Variants in SRPX observed in about 807,000 individuals in gnomAD.
The protein encoded by SRPX is sushi repeat-containing protein SRPX.
Under a neutral mutation model 38.1 loss-of-function variants are expected in SRPX, and 24 were observed. The observed-to-expected ratio is 0.63, with a 90% CI of 0.46 to 0.89. The LOEUF is 0.89. SRPX is among the 40% of genes least tolerant of loss of function. The pLI is 0.00. For synonymous variants in SRPX, 184 were observed against 153.8 expected (o/e 1.20, Z -1.45); for missense variants, 416 against 377.8 (o/e 1.10, Z -0.84).
chrX:38,153,225 C>T (rs957107820), intron 9 of SRPX, among the ~76,000 whole-genome samples: 3 of 109,737 alleles, frequency 2.7e-5, no homozygotes, highest in East Asian at 2.8e-4. Flanking sequence ...ATTCATCAGC[C>T]GACTAAAGAG....
chrX:38,170,459 C>T (rs748131018), intron 4 of SRPX, among the ~76,000 whole-genome samples: 5 of 112,101 alleles, frequency 4.5e-5, no homozygotes, highest in African/African-American at 1.3e-4. Context: ...TTGTCTGTCG[C>T]GAAAATCAAA....
chrX:38,166,670 T>C lies in SRPX; in HGVS notation c.527-1775A>G, dbSNP rs753644082. On this transcript the variant is annotated intron_variant, in intron 4 of 9. Transcript: ENST00000378533. ...CACAGAAAGACAAGTATATAATGACTGCCCCCTGCTGGTCAAATATAGCTG... is the reference window on the plus strand; with the variant it reads ...CACAGAAAGACAAGTATATAATGACCGCCCCCTGCTGGTCAAATATAGCTG... Among the ~76,000 whole-genome samples, 7 of 112,047 alleles carry C rather than the reference T, an allele frequency of 6.2e-5. No individual in the cohort carries two copies. The South Asian group carries it at 2.6e-3, about 42-fold the overall frequency.
chrX:38,188,918 T>C lies in SRPX; in HGVS notation c.98-10574A>G, dbSNP rs571336054. Among the ~76,000 whole-genome samples the C allele has an allele frequency of 2.7e-5, 3 of 112,124 alleles. No homozygotes were observed. In the South Asian group the frequency reaches 1.1e-3, roughly 42 times the overall value. On this transcript the variant is annotated intron_variant, in intron 1 of 9. Coordinates refer to ENST00000378533, the MANE Select transcript of SRPX (RefSeq NM_006307.5). ...TAAATACTTTGAAAACCTACATTTG[T>C]TAAGTTAATTCGGTTTCCTCCCTCA...
chrX:38,161,321 AGAGGGGG>A (rs1378596367), intron 5 of SRPX, among the ~76,000 whole-genome samples: 2 of 110,602 alleles, frequency 1.8e-5, no homozygotes, highest in Non-Finnish European at 3.8e-5. Context: ...GGAAGTGGGT[AGAGGGGG>A]GAGGGAGGAT....
intron 1 of SRPX, among the ~76,000 whole-genome samples, chrX:38,208,386 A>T (rs1230619000): frequency 8.9e-6 from 1 of 112,047 alleles, no homozygotes; most frequent in Non-Finnish European, 1.9e-5. Flanking sequence ...AGTTTTGCAC[A>T]TTGTTGTTGA....
At chrX:38,174,830 G>T (rs1004511909) in intron 2 of SRPX, among the ~76,000 whole-genome samples, 1 of 111,776 alleles carries the variant, frequency 8.9e-6, no homozygotes, top group African/African-American at 3.3e-5. Flanking sequence ...GGTTAATTTG[G>T]ATTTCGTCTG....
intron 4 of SRPX, among the ~76,000 whole-genome samples, chrX:38,167,558 A>G (rs1293325594): frequency 8.9e-6 from 1 of 111,875 alleles, no homozygotes; most frequent in African/African-American, 3.2e-5. Context: ...TAGAAACATA[A>G]TTACTATCCC....
rs746169076 is a variant in SRPX at position 38,214,299 on chromosome X, T to C, written c.97+6397A>G. On this transcript the variant is annotated intron_variant, in intron 1 of 9. Coordinates refer to ENST00000378533, the MANE Select transcript of SRPX (RefSeq NM_006307.5). Reference sequence around the variant, plus strand: ...GGCATCCTCCCAGTCTGAGGTTCCGTGGTTCCATGAATTAGGCAACCCATG... The same window carrying C: ...GGCATCCTCCCAGTCTGAGGTTCCGCGGTTCCATGAATTAGGCAACCCATG... Among the ~76,000 whole-genome samples the C allele has an allele frequency of 2.7e-5, 3 of 111,366 alleles. No homozygotes were observed. The South Asian group carries it at 1.2e-3, about 43-fold the overall frequency.
chrX:38,218,433 C>CT (rs1219350862), intron 1 of SRPX, among the ~76,000 whole-genome samples: 1 of 112,556 alleles, frequency 8.9e-6, no homozygotes, highest in Non-Finnish European at 1.9e-5. Context: ...TGCATCTTTG[C>CT]TAGGCTGCAA....
intron 7 of SRPX, among the ~76,000 whole-genome samples, chrX:38,157,547 A>T (rs865858242): frequency 9.0e-6 from 1 of 111,707 alleles, no homozygotes; most frequent in Non-Finnish European, 1.9e-5. Context: ...CCTCCTTTAT[A>T]TAAGAAGGCT....
At chrX:38,218,727 A>AGAGTGAACTCAGCCTAT (rs1170425715) in intron 1 of SRPX, among the ~76,000 whole-genome samples, 2 of 112,004 alleles carry the variant, frequency 1.8e-5, no homozygotes, top group Non-Finnish European at 3.8e-5. Context: ...CCCAGCACTT[A>AGAGTGAACTCAGCCTAT]GAGTGAACTC....
At chrX:38,158,466 A>G (rs1938174703) in intron 7 of SRPX, among the ~76,000 whole-genome samples, 1 of 111,471 alleles carries the variant, frequency 9.0e-6, no homozygotes, top group South Asian at 3.8e-4. Flanking sequence ...GTATTTGTTC[A>G]TTCACACATT....
At chrX:38,168,201 C>T (rs1157212218) in intron 4 of SRPX, among the ~76,000 whole-genome samples, 1 of 112,145 alleles carries the variant, frequency 8.9e-6, no homozygotes, top group Non-Finnish European at 1.9e-5. Flanking sequence ...AGGGAAGTGA[C>T]CCTGTGCCAG....
chrX:38,218,089 A>C (rs1212846901), intron 1 of SRPX, among the ~76,000 whole-genome samples: 1 of 112,373 alleles, frequency 8.9e-6, no homozygotes, highest in African/African-American at 3.2e-5. Flanking sequence ...GTGGTATTTC[A>C]AAAGACTGCT....
chrX:38,186,329 C>A (rs1042316657), intron 1 of SRPX, among the ~76,000 whole-genome samples: 1 of 111,354 alleles, frequency 9.0e-6, no homozygotes, highest in Admixed American at 9.6e-5. Context: ...ACCCACAAGT[C>A]GAGCCATCAG....
At chrX:38,195,607 A>G (rs1938985718) in intron 1 of SRPX, among the ~76,000 whole-genome samples, 1 of 111,406 alleles carries the variant, frequency 9.0e-6, no homozygotes, top group South Asian at 3.8e-4. Context: ...TTTGCCAATA[A>G]AATTAGAGAG....
chrX:38,193,877 A>G (rs755061262), intron 1 of SRPX, among the ~76,000 whole-genome samples: 4 of 112,241 alleles, frequency 3.6e-5, no homozygotes, highest in Non-Finnish European at 7.5e-5. Context: ...GGCTGTGCTT[A>G]CATGAAAATC....
At chrX:38,175,913 A>G (rs776870331) in intron 2 of SRPX, among the ~76,000 whole-genome samples, 4 of 111,659 alleles carry the variant, frequency 3.6e-5, no homozygotes, top group Non-Finnish European at 7.5e-5. Flanking sequence ...TATAATCTGT[A>G]TGTACTACAT....
At chrX:38,201,818 C>CAAAAAA (rs920417516) in intron 1 of SRPX, among the ~76,000 whole-genome samples, 1 of 40,205 alleles carries the variant, frequency 2.5e-5, no homozygotes, top group African/African-American at 9.1e-5. Context: ...GACTCCGTCT[C>CAAAAAA]AAAAAAAAAA....
Sources: allele counts gnomAD v4.1 joint callset (sites outside exome capture counted in the v4.1 genomes callset), GRCh38; gene constraint gnomAD v4.1.1; transcripts MANE v1.5; gene names NCBI Gene and HGNC (gene_info 2026-07-23, HGNC 2026-07-21).